The following MORF4L2 variants were observed in gnomAD, a reference collection of about 807,000 sequenced individuals.
The protein encoded by MORF4L2 is mortality factor 4-like protein 2.
Under a neutral mutation model 12.0 loss-of-function variants are expected in MORF4L2, and 1 was observed. That is an observed-to-expected ratio of 0.08 (90% CI 0.03 to 0.40). The LOEUF is 0.40. MORF4L2 is among the 10% of genes least tolerant of loss of function. The probability of loss-of-function intolerance (pLI) is 0.98; values close to 1 mark genes in which losing one functional copy is unlikely to be tolerated. For missense variants in MORF4L2, 123 were observed against 214.0 expected (o/e 0.57, Z 2.65); for synonymous variants, 69 against 81.6 (o/e 0.85, Z 0.83).
chrX:103,678,978 T>C (rs1349369344), intron 2 of MORF4L2, among the ~76,000 whole-genome samples: 1 of 111,769 alleles, frequency 8.9e-6, no homozygotes, highest in African/African-American at 3.3e-5. Flanking sequence ...TATTTGCACA[T>C]GGATACAAAG....
chrX:103,678,108 C>CA (rs1169975794), intron 3 of MORF4L2, among the ~76,000 whole-genome samples: 307 of 74,982 alleles, frequency 4.1e-3, no homozygotes, highest in Admixed American at 0.013. Flanking sequence ...CAACCCAAAA[C>CA]AAAAAAAAAA....
At chrX:103,686,523 G>C (rs1375520586) in intron 1 of MORF4L2, 108 bp downstream of exon 1, 1 of 111,290 alleles carries the variant, frequency 9.0e-6, no homozygotes, top group Non-Finnish European at 1.9e-5. Flanking sequence ...TTGGCGAGCA[G>C]GAATCTGAAT....
chrX:103,677,455 TA>T (rs1158163467), intron 3 of MORF4L2, among the ~76,000 whole-genome samples: 1 of 112,174 alleles, frequency 8.9e-6, no homozygotes, highest in Non-Finnish European at 1.9e-5. Context: ...GCAAAATGAG[TA>T]ACAGTAAAGG....
At chrX:103,680,247 G>C (rs941887255) in intron 2 of MORF4L2, among the ~76,000 whole-genome samples, 2 of 112,826 alleles carry the variant, frequency 1.8e-5, no homozygotes, top group African/African-American at 6.4e-5. Flanking sequence ...CCCTGAACCA[G>C]GAAAGCCAGT....
At chrX:103,681,943 T>C (rs1372348733) in intron 2 of MORF4L2, among the ~76,000 whole-genome samples, 1 of 111,120 alleles carries the variant, frequency 9.0e-6, no homozygotes, top group African/African-American at 3.3e-5. Flanking sequence ...GATGTGAACA[T>C]TCTTCCCTTA....
chrX:103,686,512 G>T (rs1331767081), intron 1 of MORF4L2, 119 bp downstream of exon 1: 3 of 111,407 alleles, frequency 2.7e-5, no homozygotes, highest in African/African-American at 9.8e-5. Flanking sequence ...CAAGCTGGGC[G>T]TTGGCGAGCA....
chrX:103,681,237 T>A (rs1210063965), intron 2 of MORF4L2, among the ~76,000 whole-genome samples: 1 of 111,909 alleles, frequency 8.9e-6, no homozygotes, highest in Non-Finnish European at 1.9e-5. Context: ...ACATTTGTAC[T>A]TATGTTTGTC....
intron 3 of MORF4L2, among the ~76,000 whole-genome samples, chrX:103,677,292 T>G (rs1413214659): frequency 9.0e-6 from 1 of 111,526 alleles, no homozygotes; most frequent in East Asian, 2.8e-4. Flanking sequence ...CATAAATTAC[T>G]CTGTTGATGC....
At position 103,678,167 on chromosome X, in the gene MORF4L2, T is replaced by G. The variant is rs769380933; in HGVS notation, c.-25+332A>C. ...AAAGCCAGAAATGGAGATCTGAGAG[T>G]AACATCACATAGCTGGTAGTGGACA... On this transcript the variant is annotated intron_variant, in intron 3 of 3. Transcript: ENST00000441076. Among the ~76,000 whole-genome samples, 31 of 105,340 alleles carry G rather than the reference T, an allele frequency of 2.9e-4. 1 individual carries two copies. The highest frequency in any genetic ancestry group is 4.9e-4 in the Non-Finnish European group (25 of 51,513). 91.5% of individuals were successfully genotyped at this position (105,340 alleles called of 115,157 possible). A position where few individuals can be genotyped will look rare whatever the true frequency, so the allele number is the denominator to read the frequency against.
chrX:103,677,139 C>A, intron 3 of MORF4L2, 88 bp from the exon 4 acceptor site: 1 of 709,499 alleles, frequency 1.4e-6, no homozygotes, highest in South Asian at 4.2e-5. Context: ...ATAACACATT[C>A]TAACTCCCTT....
intron 2 of MORF4L2, among the ~76,000 whole-genome samples, chrX:103,682,997 C>T (rs773508104): frequency 5.3e-5 from 6 of 112,323 alleles, no homozygotes; most frequent in Admixed American, 2.8e-4. Context: ...GTATGAAATA[C>T]GGTTTTGTAA....
At chrX:103,678,061 A>C (rs2073888006) in intron 3 of MORF4L2, among the ~76,000 whole-genome samples, 2 of 109,801 alleles carry the variant, frequency 1.8e-5, no homozygotes, top group Admixed American at 2.0e-4. Context: ...AAAATTGTAA[A>C]GCTCAGTTTT....
chrX:103,678,037 G>A (rs756361965), intron 3 of MORF4L2, among the ~76,000 whole-genome samples: 1 of 109,651 alleles, frequency 9.1e-6, no homozygotes, highest in East Asian at 2.9e-4. Flanking sequence ...TGTGTGAGAT[G>A]TACAGTTAAA....
At chrX:103,678,342 T>C (rs2073897277) in intron 3 of MORF4L2, among the ~76,000 whole-genome samples, 157 bp downstream of exon 3, 1 of 111,630 alleles carries the variant, frequency 9.0e-6, no homozygotes, top group Admixed American at 9.5e-5. Flanking sequence ...ATTAGAAGAA[T>C]GTTATTTTGG....
Position 103,678,670 on chromosome X carries a change from AT to A in MORF4L2, c.-177-20del, listed in dbSNP as rs2073904266. On this transcript the variant is annotated intron_variant, in intron 2 of 3. Coordinates refer to ENST00000441076, the MANE Select transcript of MORF4L2 (RefSeq NM_012286.3). Reference sequence around the variant, plus strand: ...AAATCATCTAAGAAAAAGAAAAAAAATGAGTAATTTATAAACATGTGGTTTA... The same window carrying A: ...AAATCATCTAAGAAAAAGAAAAAAAAGAGTAATTTATAAACATGTGGTTTA... 8.9e-6 allele frequency: 1 copy of A among 112,741 alleles called. No homozygotes were observed. Among genetic ancestry groups the A allele is most frequent in the South Asian group, 3.6e-4 (1 of 2,748 alleles). The allele number at this position is 112,741 out of a possible 1,213,427, so 9.3% of individuals were successfully genotyped here. A position where few individuals can be genotyped will look rare whatever the true frequency, so the allele number is the denominator to read the frequency against.
In MORF4L2 at chrX:103,676,548, C is replaced by T. The variant is rs765288633; in HGVS notation, c.480G>A (p.Glu160=). Residue 160 remains glutamate, a synonymous_variant, in exon 4 of 4, where the codon GAG becomes GAA. Transcript: ENST00000441076. The part of the protein sequence containing the change: ...PAKKNVDAIL[E]EYANCKKSQG... ...GCGATTTCTTGCAATTTGCATACTC[C>T]TCCAGAATTGCATCTACATTTTTCT... The T allele has an allele frequency of 8.3e-7, 1 of 1,211,090 alleles. No individual in the cohort carries two copies. Among genetic ancestry groups the T allele is most frequent in the Non-Finnish European group, 1.1e-6 (1 of 895,263 alleles).
intron 1 of MORF4L2, 84 bp from the exon 2 acceptor site, chrX:103,685,344 T>A (rs2074073387): frequency 8.9e-6 from 1 of 112,318 alleles, no homozygotes; most frequent in Admixed American, 9.4e-5. Flanking sequence ...GCCAATGCAA[T>A]TTCATCACAC....
At chrX:103,682,590 G>C (rs1246123123) in intron 2 of MORF4L2, among the ~76,000 whole-genome samples, 1 of 111,748 alleles carries the variant, frequency 8.9e-6, no homozygotes, top group Non-Finnish European at 1.9e-5. Flanking sequence ...ATTTGAATTT[G>C]TGTGATATCA....
chrX:103,680,592 A>G (rs1278498558), intron 2 of MORF4L2, among the ~76,000 whole-genome samples: 2 of 112,620 alleles, frequency 1.8e-5, no homozygotes, highest in Non-Finnish European at 1.9e-5. Context: ...GACTTCAGAG[A>G]ATTGTTAATA....
Sources: gnomAD v4.1 joint callset for allele counts (sites outside exome capture counted in the v4.1 genomes callset) on GRCh38, gnomAD v4.1.1 for gene constraint, MANE v1.5 for transcripts, NCBI Gene and HGNC (gene_info 2026-07-23, HGNC 2026-07-21) for gene names.